RIC8B: variants seen among roughly 807,000 people sequenced by gnomAD.
The protein encoded by RIC8B is RIC8 guanine nucleotide exchange factor B.
Under a neutral mutation model 57.5 loss-of-function variants are expected in RIC8B, and 16 were observed. The observed-to-expected ratio is 0.28, with a 90% CI of 0.19 to 0.42. The LOEUF is 0.42. RIC8B is among the 10% of genes least tolerant of loss of function. The pLI, the probability that RIC8B is intolerant of heterozygous loss-of-function variation, is 1.00. For synonymous variants in RIC8B, 216 were observed against 250.8 expected (o/e 0.86, Z 1.31); for missense variants, 481 against 677.0 (o/e 0.71, Z 3.21).
chr12:106,877,685 T>G (rs1950729461), intron 9 of RIC8B, among the ~76,000 whole-genome samples: 1 of 152,194 alleles, frequency 6.6e-6, no homozygotes, highest in Non-Finnish European at 1.5e-5. Context: ...ATCACATTAA[T>G]AAAACCTAAC....
chr12:106,787,393 C>A (rs1231715300), intron 2 of RIC8B, among the ~76,000 whole-genome samples: 2 of 152,164 alleles, frequency 1.3e-5, no homozygotes, highest in Non-Finnish European at 2.9e-5. Flanking sequence ...CCTTAATAAG[C>A]TTTTCAAGTT....
chr12:106,884,327 G>A (rs767766104), intron 9 of RIC8B, among the ~76,000 whole-genome samples: 3 of 152,162 alleles, frequency 2.0e-5, no homozygotes, highest in African/African-American at 4.8e-5. Context: ...CTGTCACATA[G>A]TCATTGAACA....
At chr12:106,858,274 A>G (rs1350039965) in intron 7 of RIC8B, among the ~76,000 whole-genome samples, 4 of 152,120 alleles carry the variant, frequency 2.6e-5, no homozygotes, top group Admixed American at 6.6e-5. Flanking sequence ...TCCTAATTGT[A>G]ATGAGTATTT....
chr12:106,853,710 G>A (rs1330333834), intron 7 of RIC8B, among the ~76,000 whole-genome samples: 1 of 151,760 alleles, frequency 6.6e-6, no homozygotes, highest in Non-Finnish European at 1.5e-5. Context: ...CTTGTGATCT[G>A]CCCACCTCGG....
intron 2 of RIC8B, among the ~76,000 whole-genome samples, chr12:106,797,724 G>A (rs78825629): frequency 0.098 from 14,984 of 152,228 alleles, 941 homozygotes; most frequent in Middle Eastern, 0.15. Flanking sequence ...ATCGTTCCAA[G>A]TACTGTTGGG....
At chr12:106,837,027 A>C (rs963487662) in intron 4 of RIC8B, among the ~76,000 whole-genome samples, 2 of 152,206 alleles carry the variant, frequency 1.3e-5, no homozygotes, top group Admixed American at 1.3e-4. Context: ...CAAGTCATTT[A>C]AATAACTCAT....
Position 106,817,248 on chromosome 12 carries a change from G to GT in RIC8B, c.741+1951dup, listed in dbSNP as rs559819713. Among the ~76,000 whole-genome samples, 708 of 152,216 alleles carry GT rather than the reference G, an allele frequency of 4.7e-3. 6 individuals carry two copies. The highest frequency in any genetic ancestry group is 7.0e-3 in the Non-Finnish European group (478 of 67,996). On this transcript the variant is annotated intron_variant, in intron 3 of 9. Transcript: ENST00000392837. ...TTGTCTTTGCCTTCATGAAACTTCA[G>GT]TTTTTTTAGGTGAGATAGGTAATAA...
intron 9 of RIC8B, chr12:106,874,627 CA>C: frequency 7.9e-7 from 1 of 1,258,502 alleles, no homozygotes; most frequent in East Asian, 2.6e-5. Context: ...TATTCACTAC[CA>C]AAATTGTAAA....
chr12:106,818,988 A>T lies in RIC8B; in HGVS notation c.741+3684A>T, dbSNP rs377454045. 2.0e-4 allele frequency among the ~76,000 whole-genome samples: 31 copies of T among 152,028 alleles called. No homozygotes were observed. The East Asian group carries it at 3.9e-3, about 19-fold the overall frequency. On this transcript the variant is annotated intron_variant, in intron 3 of 9. Transcript: ENST00000392837. ...TCCATGTTGGTCAGGCTGGTCTCGA[A>T]CTCCCGACCTCAGTGATCCGCCCAC...
intron 4 of RIC8B, among the ~76,000 whole-genome samples, chr12:106,836,041 T>C (rs1333085165): frequency 2.0e-5 from 3 of 152,250 alleles, no homozygotes; most frequent in African/African-American, 7.2e-5. Context: ...AGAATGGCTA[T>C]TGTTAGGGTC....
chr12:106,827,730 A>C (rs1005854346), intron 4 of RIC8B, among the ~76,000 whole-genome samples: 1 of 152,232 alleles, frequency 6.6e-6, no homozygotes, highest in Non-Finnish European at 1.5e-5. Flanking sequence ...ATATCCTAAC[A>C]AGATTTTATT....
intron 9 of RIC8B, among the ~76,000 whole-genome samples, chr12:106,876,617 A>G (rs577692223): frequency 2.5e-4 from 38 of 152,160 alleles, no homozygotes; most frequent in Non-Finnish European, 5.0e-4. Flanking sequence ...TCCAGTAGCT[A>G]GACACCTTTA....
intron 2 of RIC8B, among the ~76,000 whole-genome samples, chr12:106,799,717 A>T (rs1593130028): frequency 6.6e-6 from 1 of 152,182 alleles, no homozygotes. Flanking sequence ...AGAACTAGGG[A>T]TTAGGAAGAA....
At chr12:106,790,916 G>A (rs968362281) in intron 2 of RIC8B, among the ~76,000 whole-genome samples, 5 of 152,134 alleles carry the variant, frequency 3.3e-5, no homozygotes, top group Non-Finnish European at 7.4e-5. Context: ...CTGTGAAGCC[G>A]TAAGGTAATT....
At chr12:106,779,601 G>T in intron 1 of RIC8B, among the ~76,000 whole-genome samples, 1 of 148,192 alleles carries the variant, frequency 6.7e-6, no homozygotes. Context: ...ACAAATAGTT[G>T]TACTGTATTA....
At chr12:106,846,285 A>G (rs777528202) in intron 6 of RIC8B, among the ~76,000 whole-genome samples, 1 of 152,062 alleles carries the variant, frequency 6.6e-6, no homozygotes, top group Non-Finnish European at 1.5e-5. Context: ...CCTTCTTTCC[A>G]CATTTCAATA....
intron 2 of RIC8B, among the ~76,000 whole-genome samples, chr12:106,785,548 A>G (rs2043964745): frequency 1.3e-5 from 2 of 152,076 alleles, no homozygotes; most frequent in Admixed American, 6.5e-5. Flanking sequence ...TAGGCACTCA[A>G]AAAGTATTTA....
At chr12:106,869,660 C>A (rs1056062381) in intron 8 of RIC8B, among the ~76,000 whole-genome samples, 12 of 152,204 alleles carry the variant, frequency 7.9e-5, no homozygotes, top group Admixed American at 7.2e-4. Context: ...AAACTATCTG[C>A]TAGGCGCCAT....
chr12:106,825,833 T>A lies in RIC8B; in HGVS notation c.836+13T>A, dbSNP rs1441945505. ...AAGAGCTACACAGGTGGGTAAGCTCTGTATTGATATCCCAATGAAGGACAT... is the reference window on the plus strand; with the variant it reads ...AAGAGCTACACAGGTGGGTAAGCTCAGTATTGATATCCCAATGAAGGACAT... On this transcript the variant is annotated intron_variant, in intron 4 of 9. Transcript: ENST00000392837. 6.5e-6 allele frequency: 10 copies of A among 1,538,700 alleles called. No individual in the cohort carries two copies. Among genetic ancestry groups the A allele is most frequent in the African/African-American group, 1.4e-5 (1 of 73,376 alleles).
Sources: allele counts gnomAD v4.1 joint callset (sites outside exome capture counted in the v4.1 genomes callset), GRCh38; gene constraint gnomAD v4.1.1; transcripts MANE v1.5; gene names NCBI Gene and HGNC (gene_info 2026-07-23, HGNC 2026-07-21).